The following ALS2 variants were observed in gnomAD, a reference collection of about 807,000 sequenced individuals.
ALS2 encodes alsin.
A neutral mutation model predicts 203.4 loss-of-function variants in ALS2; 117 were observed. The observed-to-expected ratio is 0.58, with a 90% confidence interval of 0.50 to 0.67. The LOEUF (loss-of-function observed/expected upper bound fraction) is 0.67. Among genes scored for constraint, ALS2 ranks in the 30% least tolerant of loss-of-function variants. The pLI is 0.00. For synonymous variants in ALS2, 718 were observed against 725.9 expected, an observed-to-expected ratio of 0.99 and a Z score of 0.17; for missense variants, 1,715 against 1,989.4, an observed-to-expected ratio of 0.86 and a Z score of 2.62.
Position 201,761,836 on chromosome 2 carries a change from G to C in ALS2, c.176-18C>G. 6.3e-7 allele frequency: 1 copy of C among 1,586,230 alleles called. No homozygotes were observed. The highest frequency in any genetic ancestry group is 8.5e-7 in the Non-Finnish European group (1 of 1,170,174). On this transcript the variant is annotated intron_variant, in intron 3 of 33. Coordinates refer to ENST00000264276, the MANE Select transcript of ALS2 (RefSeq NM_020919.4). ...CTCACCATCTGAAGGTTAAAAAAAA[G>C]AAAAAAGAAAAAAAAAAGGGTTAGT...
Position 201,700,575 on chromosome 2 carries a change from T to C in ALS2, c.*1276A>G, listed in dbSNP as rs1450991807. 1.3e-5 allele frequency: 2 copies of C among 152,706 alleles called. No individual in the cohort carries two copies. The highest frequency in any genetic ancestry group is 2.9e-5 in the Non-Finnish European group (2 of 68,054). The allele number at this position is 152,706 out of a possible 1,614,324, so 9.5% of individuals were successfully genotyped here. A position where few individuals can be genotyped will look rare whatever the true frequency, so the allele number is the denominator to read the frequency against. On this transcript the variant is annotated 3_prime_UTR_variant, in exon 34 of 34. Coordinates refer to ENST00000264276, the MANE Select transcript of ALS2 (RefSeq NM_020919.4). ...ACATAAAGATGAATGCCTTTTATTA[T>C]GAAAATTGCTGTTACATTACAGCCA...
intron 3 of ALS2, among the ~76,000 whole-genome samples, chr2:201,765,199 C>G (rs938120504): frequency 1.3e-5 from 2 of 151,998 alleles, no homozygotes; most frequent in African/African-American, 4.8e-5. Flanking sequence ...CATGGTCTCC[C>G]TATGTTGCCC....
In ALS2 at chr2:201,705,468, T is replaced by C. The variant is rs114458388; in HGVS notation, c.4581-7A>G. ...GGTTGCTGGCCAAAATTTCCTATAATGGAATCCATAAATTATTAATATAAG... is the reference window on the plus strand; with the variant it reads ...GGTTGCTGGCCAAAATTTCCTATAACGGAATCCATAAATTATTAATATAAG... On this transcript the variant is annotated splice_polypyrimidine_tract_variant and splice_region_variant and intron_variant, in intron 29 of 33. Transcript: ENST00000264276. The C allele has an allele frequency of 1.4e-3, 2,275 of 1,606,698 alleles. 33 individuals are homozygous for C. The African/African-American group carries it at 0.027, about 19-fold the overall frequency.
chr2:201,710,840 T>C, intron 26 of ALS2, 151 bp downstream of exon 26: 1 of 626,606 alleles, frequency 1.6e-6, no homozygotes, highest in Admixed American at 2.6e-5. Flanking sequence ...GGTAGAAATG[T>C]AATCTTGGTA....
intron 14 of ALS2, 31 bp downstream of exon 14, chr2:201,729,021 A>T: frequency 1.2e-6 from 2 of 1,614,064 alleles, no homozygotes; most frequent in Non-Finnish European, 1.7e-6. Flanking sequence ...GCTGTTTGCT[A>T]GGGTAACAAA....
In ALS2 at chr2:201,727,266, C is replaced by T. The variant is rs762292926; in HGVS notation, c.2925G>A (p.Lys975=). The T allele has an allele frequency of 1.9e-6, 3 of 1,613,638 alleles. No homozygotes were observed. In the Admixed American group the frequency reaches 5.0e-5, roughly 27 times the overall value. The change falls in exon 17 of 34, where the codon AAG becomes AAA. Residue 975 remains lysine (K), a synonymous_variant. Transcript: ENST00000264276. ...TGAACTGCTCCTCAGGTGTAGTTATCTTTAAGCCATTCCTAAAACGTTCAC... is the reference window on the plus strand; with the variant it reads ...TGAACTGCTCCTCAGGTGTAGTTATTTTTAAGCCATTCCTAAAACGTTCAC... ...SEEAGGVNGL[K]ITTPEEQFTL...
At chr2:201,753,405 A>G (rs796717823) in intron 6 of ALS2, among the ~76,000 whole-genome samples, 163 bp from the exon 7 acceptor site, 6 of 152,380 alleles carry the variant, frequency 3.9e-5, no homozygotes, top group African/African-American at 1.4e-4. Context: ...AATATCATGA[A>G]TAATTTTTGG....
chr2:201,708,036 G>A lies in ALS2; in HGVS notation c.4281-45C>T, dbSNP rs768037268. On this transcript the variant is annotated intron_variant, in intron 27 of 33. Coordinates refer to ENST00000264276, the MANE Select transcript of ALS2 (RefSeq NM_020919.4). Reference sequence around the variant, plus strand: ...ATAATTATACAATTATACCTCTAGGGGGGTTGAAAAGCATAAAAACACATT... The same window carrying A: ...ATAATTATACAATTATACCTCTAGGAGGGTTGAAAAGCATAAAAACACATT... 9.5e-6 allele frequency: 15 copies of A among 1,579,806 alleles called. No individual in the cohort carries two copies. The East Asian group carries it at 2.3e-4, about 24-fold the overall frequency.
intron 25 of ALS2, among the ~76,000 whole-genome samples, chr2:201,712,095 CTTCT>C (rs911966484): frequency 7.2e-5 from 11 of 152,234 alleles, no homozygotes; most frequent in Middle Eastern, 3.4e-3. Flanking sequence ...AAAAAAATTA[CTTCT>C]TTCTACATTT....
rs535007494 is a variant in ALS2 at position 201,720,196 on chromosome 2, T to C, written c.3703-1986A>G. On this transcript the variant is annotated intron_variant, in intron 23 of 33. Coordinates refer to ENST00000264276, the MANE Select transcript of ALS2 (RefSeq NM_020919.4). ...TACAGACCATTACCTCTCATAAATA[T>C]GAATGCAAAAATCCTCAACAAAATA... 133 of 384,846 alleles carry C rather than the reference T, an allele frequency of 3.5e-4. 2 individuals carry two copies. The highest frequency in any genetic ancestry group is 2.4e-3 in the South Asian group (128 of 53,932). 23.8% of individuals were successfully genotyped at this position (384,846 alleles called of 1,614,324 possible).
intron 7 of ALS2, 146 bp downstream of exon 7, chr2:201,752,999 TA>T: frequency 1.3e-6 from 1 of 753,934 alleles, no homozygotes; most frequent in East Asian, 2.5e-5. Flanking sequence ...AAAGTGGAAA[TA>T]ATACCATACA....
chr2:201,777,080 T>G (rs1694694406), intron 1 of ALS2, among the ~76,000 whole-genome samples: 1 of 152,180 alleles, frequency 6.6e-6, no homozygotes, highest in South Asian at 2.1e-4. Flanking sequence ...CTTTTCAAAG[T>G]GTTAATGCTA....
At chr2:201,735,204 C>A (rs1379547975) in intron 12 of ALS2, among the ~76,000 whole-genome samples, 1 of 151,442 alleles carries the variant, frequency 6.6e-6, no homozygotes, top group Non-Finnish European at 1.5e-5. Context: ...CAGAGCCAGG[C>A]AGGCAGGGGG....
intron 10 of ALS2, among the ~76,000 whole-genome samples, chr2:201,743,545 T>TCC: frequency 6.6e-6 from 1 of 152,098 alleles, no homozygotes; most frequent in Non-Finnish European, 1.5e-5. Flanking sequence ...ACTGCAGTGG[T>TCC]ACAATCTCAG....
At chr2:201,771,990 C>T (rs1303148580) in intron 1 of ALS2, among the ~76,000 whole-genome samples, 6 of 152,184 alleles carry the variant, frequency 3.9e-5, no homozygotes, top group African/African-American at 4.8e-5. Context: ...ATGGCATCTC[C>T]GTAAAATGAG....
chr2:201,757,341 G>T, intron 5 of ALS2, 61 bp downstream of exon 5: 1 of 1,315,886 alleles, frequency 7.6e-7, no homozygotes, highest in Non-Finnish European at 1.1e-6. Context: ...TACAGCATGC[G>T]ATGTCAGGAG....
At chr2:201,717,586 A>T (rs920020975) in intron 24 of ALS2, among the ~76,000 whole-genome samples, 10 of 151,372 alleles carry the variant, frequency 6.6e-5, no homozygotes, top group Non-Finnish European at 1.2e-4. Flanking sequence ...CTACAGATTT[A>T]GTCATCTAAA....
intron 25 of ALS2, among the ~76,000 whole-genome samples, chr2:201,713,139 T>TC (rs1488279203): frequency 4.1e-5 from 6 of 147,366 alleles, no homozygotes; most frequent in Non-Finnish European, 6.0e-5. Flanking sequence ...TTTTCTTTTT[T>TC]TTTTTTTTTT....
chr2:201,770,122 G>A (rs1287656462), intron 1 of ALS2, among the ~76,000 whole-genome samples: 1 of 152,188 alleles, frequency 6.6e-6, no homozygotes, highest in Admixed American at 6.5e-5. Context: ...AGTTCATGGT[G>A]TACAGAGAAA....
Sources: allele counts gnomAD v4.1 joint callset (sites outside exome capture counted in the v4.1 genomes callset), GRCh38; gene constraint gnomAD v4.1.1; transcripts MANE v1.5; gene names NCBI Gene and HGNC (gene_info 2026-07-23, HGNC 2026-07-21).